The following SEZ6L variants were observed in gnomAD, a reference collection of about 807,000 sequenced individuals.
The protein encoded by SEZ6L is seizure related 6 homolog like.
Under a neutral mutation model 106.2 loss-of-function variants are expected in SEZ6L, and 37 were observed. The observed-to-expected ratio is 0.35, with a 90% confidence interval of 0.27 to 0.46. The LOEUF (loss-of-function observed/expected upper bound fraction) is 0.46. SEZ6L is among the 20% of genes least tolerant of loss of function. The pLI is 1.00. For missense variants in SEZ6L, 1,172 were observed against 1,332.8 expected, an observed-to-expected ratio of 0.88 and a Z score of 1.88; for synonymous variants, 541 against 570.4, an observed-to-expected ratio of 0.95 and a Z score of 0.73.
chr22:26,279,097 T>C (rs2080670059), intron 1 of SEZ6L, among the ~76,000 whole-genome samples: 1 of 152,164 alleles, frequency 6.6e-6, no homozygotes, highest in Non-Finnish European at 1.5e-5. Context: ...TGCCTCGACT[T>C]CCCATGGAAA....
At chr22:26,250,279 T>C (rs2079527594) in intron 1 of SEZ6L, among the ~76,000 whole-genome samples, 1 of 152,216 alleles carries the variant, frequency 6.6e-6, no homozygotes. Context: ...TGTTTTCATC[T>C]AGTAGATTCA....
At chr22:26,313,988 AATATTAACTAAGC>A in intron 9 of SEZ6L, 86 bp downstream of exon 9, 1 of 1,366,518 alleles carries the variant, frequency 7.3e-7, no homozygotes, top group Non-Finnish European at 1.0e-6. Flanking sequence ...TCTTTCAACC[AATATTAACTAAGC>A]ATCTACTATG....
At chr22:26,211,475 C>T (rs2078155750) in intron 1 of SEZ6L, among the ~76,000 whole-genome samples, 1 of 152,156 alleles carries the variant, frequency 6.6e-6, no homozygotes, top group African/African-American at 2.4e-5. Flanking sequence ...TGCCCACCTG[C>T]CCACACTGCT....
At chr22:26,212,566 G>T (rs542742661) in intron 1 of SEZ6L, among the ~76,000 whole-genome samples, 1 of 152,208 alleles carries the variant, frequency 6.6e-6, no homozygotes, top group South Asian at 2.1e-4. Context: ...GGGACCACAG[G>T]CATGCGCCAC....
At chr22:26,231,042 C>A (rs895448887) in intron 1 of SEZ6L, among the ~76,000 whole-genome samples, 1 of 152,166 alleles carries the variant, frequency 6.6e-6, no homozygotes, top group African/African-American at 2.4e-5. Context: ...AATTCAAGGG[C>A]CAGCCAGTGG....
intron 5 of SEZ6L, among the ~76,000 whole-genome samples, chr22:26,301,805 G>A (rs150866574): frequency 5.9e-5 from 9 of 152,312 alleles, no homozygotes; most frequent in African/African-American, 2.2e-4. Context: ...GAAGGAACTC[G>A]ATGAGTTTGA....
chr22:26,209,658 G>A (rs2078089470), intron 1 of SEZ6L, among the ~76,000 whole-genome samples: 1 of 149,916 alleles, frequency 6.7e-6, no homozygotes, highest in Non-Finnish European at 1.5e-5. Context: ...AAAAAAGATG[G>A]ATATATGGAT....
intron 14 of SEZ6L, among the ~76,000 whole-genome samples, chr22:26,373,832 C>T (rs546689103): frequency 1.3e-5 from 2 of 152,296 alleles, no homozygotes; most frequent in South Asian, 2.1e-4. Flanking sequence ...GACATGTCAC[C>T]TTCCATGCTG....
Position 26,375,640 on chromosome 22 carries a change from G to C in SEZ6L, c.2893G>C (p.Val965Leu), listed in dbSNP as rs1568959285. 6.2e-7 allele frequency: 1 copy of C among 1,614,168 alleles called. No homozygotes were observed. The highest frequency in any genetic ancestry group is 1.1e-5 in the South Asian group (1 of 91,078). ...GNMALAIFIP[V>L]LIISLLLGGA... is the part of the protein sequence containing the mutation. ...CATGGCCCTGGCTATCTTCATCCCG[G>C]TCCTCATCATCTCCTTACTGCTGGG... The change falls in exon 15 of 17, where the codon GTC (valine) becomes CTC (leucine). Residue 965 changes from valine (V) to leucine (L), a missense_variant. By Grantham distance (32) the Val-to-Leu change is conservative (BLOSUM62 1). This residue lies in a region of SEZ6L where 141 missense variants were observed against 176.0 expected (regional missense o/e 0.80). Coordinates refer to ENST00000248933, the MANE Select transcript of SEZ6L (RefSeq NM_021115.5).
At chr22:26,214,771 G>A (rs951723184) in intron 1 of SEZ6L, among the ~76,000 whole-genome samples, 3 of 152,120 alleles carry the variant, frequency 2.0e-5, no homozygotes, top group Non-Finnish European at 4.4e-5. Context: ...AAGGAGAAGG[G>A]GAAAAAAGTA....
intron 1 of SEZ6L, among the ~76,000 whole-genome samples, chr22:26,192,653 C>T (rs1473386545): frequency 6.6e-6 from 1 of 152,020 alleles, no homozygotes; most frequent in South Asian, 2.1e-4. Context: ...ATTTTGGAGC[C>T]GATATATTAC....
intron 9 of SEZ6L, among the ~76,000 whole-genome samples, chr22:26,326,227 C>A (rs1450458036): frequency 6.6e-6 from 1 of 152,222 alleles, no homozygotes; most frequent in Non-Finnish European, 1.5e-5. Context: ...CTGAGCTGGA[C>A]ATTGCCTTGT....
chr22:26,346,211 A>G (rs2083002688), intron 10 of SEZ6L, among the ~76,000 whole-genome samples: 1 of 151,402 alleles, frequency 6.6e-6, no homozygotes, highest in African/African-American at 2.4e-5. Flanking sequence ...TGGTTTTATT[A>G]TTGTTTTTGT....
At chr22:26,191,819 T>A (rs192416165) in intron 1 of SEZ6L, among the ~76,000 whole-genome samples, 92 of 152,328 alleles carry the variant, frequency 6.0e-4, no homozygotes, top group Non-Finnish European at 9.3e-4. Context: ...AGTTTCCTAA[T>A]CTGCAAAATG....
chr22:26,202,701 G>T lies in SEZ6L; in HGVS notation c.94+32938G>T, dbSNP rs145065848. On this transcript the variant is annotated intron_variant, in intron 1 of 16. Transcript: ENST00000248933. ...GGGAGGGAGAATTTAATGATGATGTGGGTGGAAGGGCAGGTCTGCTATTCA... is the reference window on the plus strand; with the variant it reads ...GGGAGGGAGAATTTAATGATGATGTTGGTGGAAGGGCAGGTCTGCTATTCA... 8.8e-3 allele frequency among the ~76,000 whole-genome samples: 1,337 copies of T among 152,244 alleles called. 10 individuals carry two copies. The highest frequency in any genetic ancestry group is 0.014 in the Non-Finnish European group (920 of 68,020).
rs775270827 is a variant in SEZ6L at position 26,351,549 on chromosome 22, G to GTTTGTTTC, written c.2599+308_2599+309insTGTTTCTT. ...TGTTTGTTTGTTTGTTTGTTTGTTG[G>GTTTGTTTC]TTGGTTGGTTGGTTTTAGATGGAAT... On this transcript the variant is annotated intron_variant, in intron 12 of 16. Transcript: ENST00000248933. 16 of 263,942 alleles carry GTTTGTTTC rather than the reference G, an allele frequency of 6.1e-5. 1 individual carries two copies. The highest frequency in any genetic ancestry group is 2.7e-5 in the Non-Finnish European group (4 of 146,916). 16.4% of individuals were successfully genotyped at this position (263,942 alleles called of 1,614,324 possible). A position where few individuals can be genotyped will look rare whatever the true frequency, so the allele number is the denominator to read the frequency against.
chr22:26,262,279 T>TCTATCTATCTATCTATCTAC (rs1435790584), intron 1 of SEZ6L, among the ~76,000 whole-genome samples: 14 of 151,462 alleles, frequency 9.2e-5, no homozygotes, highest in African/African-American at 3.2e-4. Context: ...TATCTATCTA[T>TCTATCTATCTATCTATCTAC]CTATCTCTTT....
At chr22:26,285,106 A>G (rs1254382697) in intron 1 of SEZ6L, among the ~76,000 whole-genome samples, 1 of 152,190 alleles carries the variant, frequency 6.6e-6, no homozygotes, top group Admixed American at 6.5e-5. Flanking sequence ...CCCCAAGGCC[A>G]CCACCACCTC....
chr22:26,184,441 T>A (rs1939633751), intron 1 of SEZ6L, among the ~76,000 whole-genome samples: 1 of 152,180 alleles, frequency 6.6e-6, no homozygotes, highest in Admixed American at 6.5e-5. Context: ...AGTCTTAGTA[T>A]TTGTTTATGC....
Sources: allele counts gnomAD v4.1 joint callset (sites outside exome capture counted in the v4.1 genomes callset), GRCh38; gene constraint gnomAD v4.1.1; regional missense constraint gnomAD v4.1.1; transcripts MANE v1.5; gene names NCBI Gene and HGNC (gene_info 2026-07-23, HGNC 2026-07-21).